The following FOXP2 variants were observed in gnomAD, a reference collection of about 807,000 sequenced individuals.
FOXP2 encodes the protein forkhead box protein P2.
FOXP2 carries 12 observed loss-of-function variants against 115.8 expected under a neutral mutation model. That is an observed-to-expected ratio of 0.10 (90% CI 0.07 to 0.17). The LOEUF (loss-of-function observed/expected upper bound fraction) is 0.17. Ranked by LOEUF, FOXP2 falls within the 10% of genes least tolerant of loss-of-function variation. FOXP2 has a pLI of 1.00. For synonymous variants in FOXP2, 328 were observed against 297.7 expected (o/e 1.10, Z -1.05); for missense variants, 629 against 843.5 (o/e 0.75, Z 3.15).
At chr7:114,678,886 T>G (rs1040144380) in intron 16 of FOXP2, among the ~76,000 whole-genome samples, 5 of 152,208 alleles carry the variant, frequency 3.3e-5, no homozygotes, top group African/African-American at 9.6e-5. Flanking sequence ...TTGAGAGTCA[T>G]GAAAAGTTAA....
chr7:114,692,533 G>T lies in FOXP2; in HGVS notation c.*2607G>T, dbSNP rs1808718943. ...CCAGACTTTTTCTAAGAAAAATGTT[G>T]CTTTAATGCATTTCATGAATTTTTA... On this transcript the variant is annotated 3_prime_UTR_variant, in exon 17 of 17. Transcript: ENST00000350908. The T allele has an allele frequency of 6.6e-6, 3 of 453,834 alleles. No homozygotes were observed. Among genetic ancestry groups the T allele is most frequent in the South Asian group, 4.7e-5 (3 of 64,304 alleles). The allele number at this position is 453,834 out of a possible 1,614,324, so 28.1% of individuals were successfully genotyped here. A position where few individuals can be genotyped will look rare whatever the true frequency, so the allele number is the denominator to read the frequency against.
At chr7:114,577,558 T>C (rs1368642225) in intron 3 of FOXP2, among the ~76,000 whole-genome samples, 1 of 151,882 alleles carries the variant, frequency 6.6e-6, no homozygotes, top group Non-Finnish European at 1.5e-5. Flanking sequence ...TAAAGAACAG[T>C]TTGTAATGCT....
intron 1 of FOXP2, among the ~76,000 whole-genome samples, chr7:114,248,554 G>A (rs1471694176): frequency 6.6e-6 from 1 of 152,106 alleles, no homozygotes; most frequent in Non-Finnish European, 1.5e-5. Flanking sequence ...TAGAATGTGT[G>A]AATTTTTGTT....
At chr7:114,636,947 G>A (rs1805253902) in intron 6 of FOXP2, among the ~76,000 whole-genome samples, 1 of 152,118 alleles carries the variant, frequency 6.6e-6, no homozygotes, top group Admixed American at 6.6e-5. Flanking sequence ...GCTGAGGCTG[G>A]AGGATCACTT....
chr7:114,515,120 T>A (rs1798267774), intron 2 of FOXP2, among the ~76,000 whole-genome samples: 1 of 149,288 alleles, frequency 6.7e-6, no homozygotes, highest in Admixed American at 6.7e-5. Flanking sequence ...TCTATCATTG[T>A]TGGACATTTG....
At chr7:114,132,156 C>T (rs969508215) in intron 1 of FOXP2, among the ~76,000 whole-genome samples, 1 of 152,150 alleles carries the variant, frequency 6.6e-6, no homozygotes, top group African/African-American at 2.4e-5. Context: ...ATAAAGTTTA[C>T]ATTTTAATAA....
chr7:114,646,411 C>A (rs150677234), intron 8 of FOXP2, among the ~76,000 whole-genome samples: 1 of 152,156 alleles, frequency 6.6e-6, no homozygotes, highest in African/African-American at 2.4e-5. Context: ...TTATTACTGA[C>A]AACCAGATGA....
chr7:114,320,367 C>T (rs1797389990), intron 2 of FOXP2, among the ~76,000 whole-genome samples: 1 of 152,228 alleles, frequency 6.6e-6, no homozygotes, highest in Non-Finnish European at 1.5e-5. Flanking sequence ...TTCAGCCCTA[C>T]CACCTCTGTG....
At chr7:114,271,544 T>C (rs1796040766) in intron 1 of FOXP2, among the ~76,000 whole-genome samples, 1 of 129,026 alleles carries the variant, frequency 7.8e-6, no homozygotes, top group Non-Finnish European at 1.6e-5. Flanking sequence ...TTATTATAAT[T>C]ATATTATAAT....
chr7:114,493,657 TACTC>T (rs1179370617), intron 2 of FOXP2, among the ~76,000 whole-genome samples: 2 of 151,188 alleles, frequency 1.3e-5, no homozygotes, highest in South Asian at 4.2e-4. Flanking sequence ...CACACACACA[TACTC>T]TCTCTCTCTC....
At chr7:114,446,747 C>CTTT (rs373569304) in intron 2 of FOXP2, among the ~76,000 whole-genome samples, 5 of 139,286 alleles carry the variant, frequency 3.6e-5, no homozygotes, top group African/African-American at 1.0e-4. Flanking sequence ...TTCTTTCTTT[C>CTTT]TTTTTTTTTT....
intron 2 of FOXP2, among the ~76,000 whole-genome samples, chr7:114,324,671 C>T (rs575906543): frequency 1.3e-5 from 2 of 151,872 alleles, no homozygotes; most frequent in African/African-American, 4.8e-5. Flanking sequence ...AATTTAATAA[C>T]CAATCTCACT....
At chr7:114,092,206 C>T (rs1183857831) in intron 1 of FOXP2, among the ~76,000 whole-genome samples, 2 of 151,834 alleles carry the variant, frequency 1.3e-5, no homozygotes, top group Admixed American at 6.6e-5. Context: ...TTAAAATGTA[C>T]GTTGTGTTGT....
At chr7:114,598,949 T>C (rs1802871776) in intron 3 of FOXP2, among the ~76,000 whole-genome samples, 1 of 152,204 alleles carries the variant, frequency 6.6e-6, no homozygotes, top group Non-Finnish European at 1.5e-5. Context: ...TAAGCAACAC[T>C]GCAAAATTCC....
At chr7:114,202,175 T>G (rs1390414801) in intron 1 of FOXP2, among the ~76,000 whole-genome samples, 1 of 152,218 alleles carries the variant, frequency 6.6e-6, no homozygotes. Context: ...TTATTTTTAT[T>G]TGGAAATTAA....
chr7:114,230,314 G>A (rs1794843199), intron 1 of FOXP2, among the ~76,000 whole-genome samples: 1 of 151,714 alleles, frequency 6.6e-6, no homozygotes, highest in African/African-American at 2.4e-5. Context: ...GATTAACACT[G>A]ATTTTTTTCA....
intron 12 of FOXP2, 57 bp downstream of exon 12, chr7:114,659,489 A>G: frequency 1.3e-6 from 2 of 1,586,764 alleles, no homozygotes; most frequent in Non-Finnish European, 1.7e-6. Context: ...TAATGCTTAA[A>G]GTAAGGCTTG....
Position 114,495,483 on chromosome 7 carries a change from C to CTTTTTTTTTTTTTT in FOXP2, c.169-39117_169-39104dup, listed in dbSNP as rs35933398. Among the ~76,000 whole-genome samples, 83 of 61,462 alleles carry CTTTTTTTTTTTTTT rather than the reference C, an allele frequency of 1.4e-3. 4 individuals carry two copies. Among genetic ancestry groups the CTTTTTTTTTTTTTT allele is most frequent in the East Asian group, 2.6e-3 (4 of 1,566 alleles). 40.3% of individuals were successfully genotyped at this position (61,462 alleles called of 152,430 possible). On this transcript the variant is annotated intron_variant, in intron 2 of 16. Coordinates refer to ENST00000350908, the MANE Select transcript of FOXP2 (RefSeq NM_014491.4). Reference sequence around the variant, plus strand: ...TTCTTTGTTTTTTCTTTCTCTCTCTCTTTTTTTTTTTTTTTTTTTTTTTTT... The same window carrying CTTTTTTTTTTTTTT: ...TTCTTTGTTTTTTCTTTCTCTCTCTCTTTTTTTTTTTTTTTTTTTTTTTTTTTTTTTTTTTTTTT...
Position 114,138,605 on chromosome 7 carries a change from C to A in FOXP2, c.-246-24339C>A, listed in dbSNP as rs111721871. On this transcript the variant is annotated intron_variant, in intron 1 of 19. Transcript: ENST00000635638. ...ATGGGGTTTCACTATGTTGGCCAGA[C>A]TGGTCTCGAACTCCTGACCTCATGA... is the stretch of plus-strand genomic sequence containing the variant. Among the ~76,000 whole-genome samples, 51 of 152,180 alleles carry A rather than the reference C, an allele frequency of 3.4e-4. 2 individuals are homozygous for A. The highest frequency in any genetic ancestry group is 1.1e-3 in the African/African-American group (45 of 41,522).
Sources: allele counts gnomAD v4.1 joint callset (sites outside exome capture counted in the v4.1 genomes callset), GRCh38; gene constraint gnomAD v4.1.1; transcripts MANE v1.5; gene names NCBI Gene and HGNC (gene_info 2026-07-23, HGNC 2026-07-21).